The following CDK5RAP3 variants were observed in gnomAD, a reference collection of about 807,000 sequenced individuals.
CDK5RAP3 encodes CDK5 regulatory subunit-associated protein 3.
Under a neutral mutation model 73.3 loss-of-function variants are expected in CDK5RAP3, and 58 were observed. That is an observed-to-expected ratio of 0.79 (90% CI 0.64 to 0.98). The LOEUF is 0.98. Among genes scored for constraint, CDK5RAP3 ranks in the 50% least tolerant of loss-of-function variants. The probability of loss-of-function intolerance (pLI) is 0.00; values close to 1 mark genes in which losing one functional copy is unlikely to be tolerated. For missense variants in CDK5RAP3, 525 were observed against 615.8 expected (o/e 0.85, Z 1.56); for synonymous variants, 224 against 247.5 (o/e 0.91, Z 0.89).
At chr17:47,978,098 T>C in intron 10 of CDK5RAP3, 188 bp downstream of exon 10, 1 of 500,802 alleles carries the variant, frequency 2.0e-6, no homozygotes, top group Non-Finnish European at 3.5e-6. Context: ...AGACGGAGTT[T>C]CGCTCTTGTT....
At position 47,975,314 on chromosome 17, in the gene CDK5RAP3, T is replaced by C. The variant is rs2036375330; in HGVS notation, c.490T>C (p.Ser164Pro). ...AAEMREQFYHSCKQYGITGEN... is the reference protein window; with the variant it reads ...AAEMREQFYHPCKQYGITGEN... ...CGAGATGCGGGAGCAGTTCTACCAC[T>C]CCTGCAAGCAGTATGGCATCACGGT... Residue 164 changes from serine to proline, a missense_variant, in exon 6 of 14, where the codon TCC (serine) becomes CCC (proline). Coordinates refer to ENST00000338399, the MANE Select transcript of CDK5RAP3 (RefSeq NM_176096.3). 6 of 1,613,982 alleles carry C rather than the reference T, an allele frequency of 3.7e-6. No individual in the cohort carries two copies. Among genetic ancestry groups the C allele is most frequent in the Non-Finnish European group, 5.1e-6 (6 of 1,180,024 alleles).
chr17:47,975,836 C>T (rs765714333), intron 7 of CDK5RAP3, 33 bp from the exon 8 acceptor site: 40 of 1,613,328 alleles, frequency 2.5e-5, no homozygotes, highest in Admixed American at 1.2e-4. Flanking sequence ...TACGCATGGT[C>T]GGCAGGAGAG....
At chr17:47,977,705 G>A (rs2036448621) in intron 9 of CDK5RAP3, 127 bp from the exon 10 acceptor site, 1 of 745,702 alleles carries the variant, frequency 1.3e-6, no homozygotes, top group Non-Finnish European at 2.2e-6. Flanking sequence ...ACCTAAGTCA[G>A]GGCTGCAAAT....
At position 47,974,396 on chromosome 17, in the gene CDK5RAP3, T is replaced by G. The variant is rs758991029; in HGVS notation, c.286-4T>G. 9.3e-6 allele frequency: 15 copies of G among 1,613,348 alleles called. No homozygotes were observed. In the Admixed American group the frequency reaches 2.5e-4, roughly 27 times the overall value. ...CTTAACATTGTTTTTCTGTTCTTAC[T>G]CAGGATTGGCAGGAGATTATAGCTC... On this transcript the variant is annotated splice_polypyrimidine_tract_variant and splice_region_variant and intron_variant, in intron 4 of 13. Transcript: ENST00000338399.
At position 47,981,605 on chromosome 17, in the gene CDK5RAP3, T is replaced by A. The variant is rs1290378455; in HGVS notation, c.*103T>A. On this transcript the variant is annotated 3_prime_UTR_variant, in exon 14 of 14. Transcript: ENST00000338399. ...CTTCAAGGCAAAAGACCAGGCTGACTGGAAGATGGAAAGCCACAGGAAGGA... is the reference window on the plus strand; with the variant it reads ...CTTCAAGGCAAAAGACCAGGCTGACAGGAAGATGGAAAGCCACAGGAAGGA... 6.2e-6 allele frequency: 10 copies of A among 1,603,066 alleles called. No individual in the cohort carries two copies. Among genetic ancestry groups the A allele is most frequent in the Non-Finnish European group, 8.5e-6 (10 of 1,176,338 alleles).
chr17:47,976,655 T>TAA, intron 8 of CDK5RAP3, 57 bp from the exon 9 acceptor site: 2 of 1,213,798 alleles, frequency 1.6e-6, no homozygotes, highest in Non-Finnish European at 2.4e-6. Context: ...TGAGCCACCA[T>TAA]GCCCGGCCCT....
chr17:47,978,095 G>C lies in CDK5RAP3; in HGVS notation c.988+185G>C, dbSNP rs1450086967. ...TTTTTTTTTTTTTTTTGGAGACGGA[G>C]TTTCGCTCTTGTTGCCCAGGCTGGA... On this transcript the variant is annotated intron_variant, in intron 10 of 13. Transcript: ENST00000338399. 5.9e-6 allele frequency: 3 copies of C among 507,104 alleles called. No homozygotes were observed. The African/African-American group carries it at 6.0e-5, about 10-fold the overall frequency. The allele number at this position is 507,104 out of a possible 1,614,324, so 31.4% of individuals were successfully genotyped here.
Position 47,975,859 on chromosome 17 carries a change from T to C in CDK5RAP3, c.654-10T>C. ...GTCGGCAGGAGAGTCAGTTGTGTGC[T>C]CTGTTGAAGCCCCACAGAGCAGGTG... On this transcript the variant is annotated splice_polypyrimidine_tract_variant and intron_variant, in intron 7 of 13. Coordinates refer to ENST00000338399, the MANE Select transcript of CDK5RAP3 (RefSeq NM_176096.3). The C allele has an allele frequency of 1.2e-6, 2 of 1,614,144 alleles. No homozygotes were observed. The highest frequency in any genetic ancestry group is 2.2e-5 in the South Asian group (2 of 91,084).
chr17:47,970,395 G>T, upstream of CDK5RAP3: 1 of 464,794 alleles, frequency 2.2e-6, no homozygotes, highest in Non-Finnish European at 3.9e-6. Flanking sequence ...CACAAATTAC[G>T]TTGCCCGTCC....
rs563929877 is a variant in CDK5RAP3, at chr17:47,976,880, T to C, written c.909+58T>C. On this transcript the variant is annotated intron_variant, in intron 9 of 13. Coordinates refer to ENST00000338399, the MANE Select transcript of CDK5RAP3 (RefSeq NM_176096.3). ...ATCACTACTCTAACCATAAGAAAAG[T>C]GTCATTTGTGTCTGTAACGGCATCA... 23 of 1,125,530 alleles carry C rather than the reference T, an allele frequency of 2.0e-5. No individual in the cohort carries two copies. In the Middle Eastern group the frequency reaches 8.3e-4, roughly 41 times the overall value. The allele number at this position is 1,125,530 out of a possible 1,614,324, so 69.7% of individuals were successfully genotyped here.
rs979000396 is a variant in CDK5RAP3 at position 47,976,778 on chromosome 17, G to C, written c.865G>C (p.Ala289Pro). 5.6e-6 allele frequency: 9 copies of C among 1,612,240 alleles called. No homozygotes were observed. The highest frequency in any genetic ancestry group is 1.3e-5 in the African/African-American group (1 of 74,812). Residue 289 changes from alanine to proline, a missense_variant, in exon 9 of 14, where the codon GCT becomes CCT. By Grantham distance (27) the Ala-to-Pro change is conservative. This residue lies in a region of CDK5RAP3 where 409 missense variants were observed against 429.8 expected (regional missense o/e 0.95). Coordinates refer to ENST00000338399, the MANE Select transcript of CDK5RAP3 (RefSeq NM_176096.3). ...EGTDSGISAE[A>P]AGIDWGIFPE... ...GACTGACTCTGGCATCTCTGCCGAG[G>C]CTGCTGGAATCGACTGGGGCATCTT...
chr17:47,972,135 C>A (rs933964564), intron 2 of CDK5RAP3, among the ~76,000 whole-genome samples: 1 of 152,028 alleles, frequency 6.6e-6, no homozygotes, highest in African/African-American at 2.4e-5. Context: ...CCACCTCCCC[C>A]TTGATTTTAG....
upstream of CDK5RAP3, among the ~76,000 whole-genome samples, chr17:47,969,580 A>AAAAAG (rs2036224716): frequency 7.6e-6 from 1 of 131,326 alleles, no homozygotes; most frequent in African/African-American, 2.9e-5. Flanking sequence ...AAAAAAAAAA[A>AAAAAG]AAAAGAAAAG....
At chr17:47,979,504 G>T (rs999641170) in intron 11 of CDK5RAP3, 1 of 152,936 alleles carries the variant, frequency 6.5e-6, no homozygotes, top group African/African-American at 2.4e-5. Context: ...TGAGGAGAGA[G>T]AGCTGGTGGG....
chr17:47,977,582 G>A (rs993974965), intron 9 of CDK5RAP3, among the ~76,000 whole-genome samples: 9 of 152,176 alleles, frequency 5.9e-5, no homozygotes, highest in African/African-American at 1.9e-4. Context: ...CCCAGCCCAT[G>A]TGAGAGTTAA....
chr17:47,980,718 G>A lies in CDK5RAP3; in HGVS notation c.1203G>A (p.Met401Ile), dbSNP rs370631756. 5.0e-6 allele frequency: 8 copies of A among 1,614,050 alleles called. No homozygotes were observed. The Admixed American group carries it at 5.0e-5, about 10-fold the overall frequency. ...AGACCAAAGAGAAGATGGTTACCAT[G>A]GTGTCAGTGCTGGAGGATCTGATTG... The part of the protein sequence containing the change: ...QGQTKEKMVT[M>I]VSVLEDLIGK... The change falls in exon 12 of 14, where the codon ATG (methionine) becomes ATA (isoleucine). Residue 401 changes from methionine to isoleucine, a missense_variant. By Grantham distance (10) the Met-to-Ile change is conservative. Around this residue, in one of 2 missense-constraint regions of CDK5RAP3, gnomAD observed 116 missense variants for 186.1 expected, o/e 0.62. Transcript: ENST00000338399.
chr17:47,977,188 G>A (rs547556583), intron 9 of CDK5RAP3, among the ~76,000 whole-genome samples: 8 of 151,834 alleles, frequency 5.3e-5, no homozygotes, highest in Admixed American at 4.6e-4. Flanking sequence ...TCACTCTGTC[G>A]CCCAGGCTGG....
chr17:47,971,177 C>T (rs1308591833), intron 1 of CDK5RAP3, 25 bp downstream of exon 1: 2 of 1,541,878 alleles, frequency 1.3e-6, no homozygotes, highest in Non-Finnish European at 8.8e-7. Flanking sequence ...GCTGGGTGTG[C>T]TGGGGACTGG....
intron 10 of CDK5RAP3, 133 bp downstream of exon 10, chr17:47,978,043 A>T (rs189774522): frequency 2.4e-4 from 136 of 573,920 alleles, no homozygotes; most frequent in African/African-American, 2.0e-3. Context: ...CTTGATGAGG[A>T]TGTGAGCTGA....
Sources: gnomAD v4.1 joint callset for allele counts (sites outside exome capture counted in the v4.1 genomes callset) on GRCh38, gnomAD v4.1.1 for gene constraint, gnomAD v4.1.1 regional missense constraint, MANE v1.5 for transcripts, NCBI Gene and HGNC (gene_info 2026-07-23, HGNC 2026-07-21) for gene names.